Variants in DENND2B observed in about 807,000 individuals in gnomAD.
DENND2B encodes DENN domain-containing protein 2B.
Under a neutral mutation model 116.0 loss-of-function variants are expected in DENND2B, and 32 were observed. The observed-to-expected ratio is 0.28, with a 90% CI of 0.21 to 0.37. DENND2B has a LOEUF of 0.37. Among genes scored for constraint, DENND2B ranks in the 10% least tolerant of loss-of-function variants. The pLI, the probability that DENND2B is intolerant of heterozygous loss-of-function variation, is 1.00. For missense variants in DENND2B, 1,276 were observed against 1,477.7 expected, an observed-to-expected ratio of 0.86 and a Z score of 2.24; for synonymous variants, 588 against 583.9, an observed-to-expected ratio of 1.01 and a Z score of -0.10.
At chr11:8,844,679 T>A (rs1013008940) in intron 3 of DENND2B, among the ~76,000 whole-genome samples, 1 of 82,546 alleles carries the variant, frequency 1.2e-5, no homozygotes. Context: ...TATATACATA[T>A]AAATGCATAA....
intron 11 of DENND2B, among the ~76,000 whole-genome samples, chr11:8,709,593 A>G (rs533799361): frequency 6.6e-6 from 1 of 151,858 alleles, no homozygotes; most frequent in South Asian, 2.1e-4. Flanking sequence ...TTGCCCCTCC[A>G]TGGGCATTCT....
At chr11:8,783,547 C>T (rs2058607191) in intron 1 of DENND2B, among the ~76,000 whole-genome samples, 1 of 152,100 alleles carries the variant, frequency 6.6e-6, no homozygotes, top group African/African-American at 2.4e-5. Context: ...TGAAGAAGAT[C>T]CCAAAGGACA....
chr11:8,749,590 T>G (rs1235073761), intron 2 of DENND2B, among the ~76,000 whole-genome samples: 1 of 152,206 alleles, frequency 6.6e-6, no homozygotes, highest in Non-Finnish European at 1.5e-5. Context: ...CCGTGCACTA[T>G]TCTACCAACT....
At chr11:8,743,012 T>C (rs1452112037) in intron 2 of DENND2B, among the ~76,000 whole-genome samples, 2 of 151,694 alleles carry the variant, frequency 1.3e-5, no homozygotes, top group African/African-American at 2.4e-5. Context: ...TGCAGTGAGA[T>C]GAGATCGCGC....
At chr11:8,797,391 C>A (rs1015855739) in intron 1 of DENND2B, among the ~76,000 whole-genome samples, 9 of 151,996 alleles carry the variant, frequency 5.9e-5, no homozygotes, top group Admixed American at 1.3e-4. Context: ...TATGTCTATG[C>A]CCACTTCAGA....
intron 4 of DENND2B, among the ~76,000 whole-genome samples, chr11:8,832,191 G>A (rs2062234570): frequency 6.6e-6 from 1 of 151,916 alleles, no homozygotes; most frequent in African/African-American, 2.4e-5. Context: ...AGTGGCTCAC[G>A]CCTGTAATCC....
At chr11:8,821,262 A>G (rs564690043) in intron 4 of DENND2B, among the ~76,000 whole-genome samples, 9 of 152,006 alleles carry the variant, frequency 5.9e-5, no homozygotes, top group African/African-American at 2.2e-4. Flanking sequence ...TTTTCACTGT[A>G]TATCTTTTTG....
chr11:8,889,813 G>C (rs529929271), intron 1 of DENND2B, among the ~76,000 whole-genome samples: 1 of 152,296 alleles, frequency 6.6e-6, no homozygotes, highest in Admixed American at 6.5e-5. Context: ...TCCACCTCTG[G>C]GGGCAAGGCA....
chr11:8,757,385 A>G (rs913292589), intron 1 of DENND2B, among the ~76,000 whole-genome samples: 1 of 152,170 alleles, frequency 6.6e-6, no homozygotes, highest in Non-Finnish European at 1.5e-5. Context: ...CACTGACCCT[A>G]TGTGAGGCAC....
intron 2 of DENND2B, among the ~76,000 whole-genome samples, chr11:8,743,130 G>A (rs936649785): frequency 6.6e-6 from 1 of 152,186 alleles, no homozygotes; most frequent in Non-Finnish European, 1.5e-5. Flanking sequence ...ATGTGTGTGT[G>A]TGTGAGTGTG....
chr11:8,729,667 C>T (rs2047750852), intron 3 of DENND2B, among the ~76,000 whole-genome samples: 1 of 152,170 alleles, frequency 6.6e-6, no homozygotes, highest in Non-Finnish European at 1.5e-5. Context: ...AGGGGCAGGA[C>T]ACAGCCCAGC....
intron 1 of DENND2B, among the ~76,000 whole-genome samples, chr11:8,903,271 G>A (rs747266330): frequency 6.6e-6 from 1 of 151,924 alleles, no homozygotes; most frequent in Non-Finnish European, 1.5e-5. Context: ...AAATTAGTCG[G>A]GTGTGGTGGC....
At chr11:8,904,561 C>T (rs1056827025) in intron 1 of DENND2B, among the ~76,000 whole-genome samples, 1 of 152,134 alleles carries the variant, frequency 6.6e-6, no homozygotes, top group African/African-American at 2.4e-5. Context: ...CATTGTACTA[C>T]AGGTTCAAGC....
chr11:8,804,535 T>C (rs2060654974), intron 1 of DENND2B, among the ~76,000 whole-genome samples: 1 of 137,402 alleles, frequency 7.3e-6, no homozygotes, highest in East Asian at 2.3e-4. Context: ...AGATGCAAAA[T>C]AGCAGCTACT....
At chr11:8,709,661 T>C (rs555984326) in intron 11 of DENND2B, among the ~76,000 whole-genome samples, 35 of 152,318 alleles carry the variant, frequency 2.3e-4, no homozygotes, top group African/African-American at 7.0e-4. Context: ...AGAGTACAAA[T>C]TGGTGACAAA....
At chr11:8,831,899 G>A (rs1001974153) in intron 4 of DENND2B, 2 of 152,220 alleles carry the variant, frequency 1.3e-5, no homozygotes, top group African/African-American at 2.4e-5. Flanking sequence ...AATGCCTTCA[G>A]GGGCCAGAGG....
At chr11:8,735,445 C>A (rs1429938659) in intron 2 of DENND2B, among the ~76,000 whole-genome samples, 2 of 152,210 alleles carry the variant, frequency 1.3e-5, no homozygotes, top group African/African-American at 4.8e-5. Context: ...ATGTGAGAAA[C>A]AATCAACTGT....
At chr11:8,775,250 T>C (rs1485629751) in intron 1 of DENND2B, among the ~76,000 whole-genome samples, 1 of 152,124 alleles carries the variant, frequency 6.6e-6, no homozygotes, top group Non-Finnish European at 1.5e-5. Context: ...GGTATAGCTC[T>C]GATGTCGTGT....
intron 3 of DENND2B, among the ~76,000 whole-genome samples, chr11:8,854,858 C>G (rs994642623): frequency 3.9e-5 from 6 of 152,008 alleles, no homozygotes; most frequent in Non-Finnish European, 5.9e-5. Context: ...GATTACAGGC[C>G]TGTGCCACCA....
Sources: allele counts gnomAD v4.1 joint callset (sites outside exome capture counted in the v4.1 genomes callset), GRCh38; gene constraint gnomAD v4.1.1; transcripts MANE v1.5; gene names NCBI Gene and HGNC (gene_info 2026-07-23, HGNC 2026-07-21).